Variants in CLN3 observed in about 807,000 individuals in gnomAD.
CLN3 encodes the protein CLN3 lysosomal/endosomal transmembrane protein, battenin.
CLN3 carries 49 observed loss-of-function variants against 60.7 expected under a neutral mutation model. The ratio of observed to expected loss-of-function variants is 0.81; its 90% CI spans 0.64 to 1.02. The LOEUF is 1.02. CLN3 is among the 50% of genes least tolerant of loss of function. The probability of loss-of-function intolerance (pLI) is 0.00; values close to 1 mark genes in which losing one functional copy is unlikely to be tolerated. For synonymous variants in CLN3, 256 were observed against 245.8 expected (o/e 1.04, Z -0.39); for missense variants, 516 against 557.4 (o/e 0.93, Z 0.75).
the CLN3 span, among the ~76,000 whole-genome samples, chr16:28,467,495 A>ATC: frequency 4.1e-5 from 6 of 145,540 alleles, no homozygotes; most frequent in South Asian, 1.1e-3. Context: ...CTGGCAGGCG[A>ATC]TCTGCCTGCC....
At position 28,489,318 on chromosome 16, in the gene CLN3, T is replaced by C. The variant is rs574261896; in HGVS notation, c.194A>G (p.His65Arg). 1 of 1,613,546 alleles carries C rather than the reference T, an allele frequency of 6.2e-7. No homozygotes were observed. The highest frequency in any genetic ancestry group is 8.5e-7 in the Non-Finnish European group (1 of 1,179,798). Residue 65 changes from histidine (H) to arginine (R), a missense_variant, in exon 4 of 16, where the codon CAC (histidine) becomes CGC (arginine). His to Arg is a conservative substitution (Grantham distance 29). Transcript: ENST00000636147. ...GCTCTGGTTTCCCGATGTCCTCTTG[T>C]GGCTAAGGATGTCGTGGGCGGCACT... ...MLSAAHDILS[H>R]KRTSGNQSHV...
chr16:28,480,697 A>ACGCCC, intron 14 of CLN3, among the ~76,000 whole-genome samples: 2 of 152,148 alleles, frequency 1.3e-5, no homozygotes, highest in Non-Finnish European at 1.5e-5. Flanking sequence ...GTGAGCCACC[A>ACGCCC]GGACTGGCCA....
Position 28,482,204 on chromosome 16 carries a change from G to T in CLN3, c.963-6C>A. Reference sequence around the variant, plus strand: ...CCTGGTACAGCATCTGGTACCTGAGGTTAGGGTTGGGGGGAGGAGAGGAGG... The same window carrying T: ...CCTGGTACAGCATCTGGTACCTGAGTTTAGGGTTGGGGGGAGGAGAGGAGG... On this transcript the variant is annotated splice_polypyrimidine_tract_variant and splice_region_variant and intron_variant, in intron 13 of 15. Transcript: ENST00000636147. 6.2e-7 allele frequency: 1 copy of T among 1,611,824 alleles called. No individual in the cohort carries two copies. The highest frequency in any genetic ancestry group is 1.7e-5 in the Admixed American group (1 of 59,392).
chr16:28,477,739 C>A lies in CLN3; in HGVS notation c.1195G>T (p.Glu399Ter), dbSNP rs386833701. The change falls in exon 15 of 16, where the codon GAG becomes TAG. Residue 399 changes from glutamate (E) to a stop codon, truncating the protein, a stop_gained and splice_region_variant. Transcript: ENST00000636147. LOFTEE classifies it high-confidence loss of function. ...GCCCTTGCCCGGCCAATGCTGACCT[C>A]CAGGGCGATGTTGTGGAAGGTGTTC... Reference protein sequence around the residue: ...YVNTFHNIALETSDEHREFAM... With the variant: ...YVNTFHNIAL 1.9e-6 allele frequency: 3 copies of A among 1,614,150 alleles called. No individual in the cohort carries two copies. Among genetic ancestry groups the A allele is most frequent in the Non-Finnish European group, 2.5e-6 (3 of 1,180,038 alleles).
At chr16:28,481,417 AACACACACACACACACACACAC>A (rs767753225) in intron 14 of CLN3, among the ~76,000 whole-genome samples, 2 of 129,578 alleles carry the variant, frequency 1.5e-5, no homozygotes, top group South Asian at 2.6e-4. Flanking sequence ...CAATGCTTAA[AACACACACACACACACACACAC>A]ACACACACAC....
chr16:28,479,670 G>A (rs1392044823), intron 14 of CLN3: 5 of 173,716 alleles, frequency 2.9e-5, no homozygotes, highest in South Asian at 8.9e-5. Flanking sequence ...TCGGAAGGCT[G>A]AGGCTTGAGA....
In CLN3 at chr16:28,486,040, C is replaced by T. The variant is rs186233841; in HGVS notation, c.677+307G>A. Among the ~76,000 whole-genome samples, 124 of 151,416 alleles carry T rather than the reference C, an allele frequency of 8.2e-4. 1 individual carries two copies. The highest frequency in any genetic ancestry group is 2.8e-3 in the African/African-American group (117 of 41,352). On this transcript the variant is annotated intron_variant, in intron 9 of 15. Coordinates refer to ENST00000636147, the MANE Select transcript of CLN3 (RefSeq NM_001042432.2). Reference sequence around the variant, plus strand: ...TGAGACAGAGTCTAACTCTGTCGCCCGGGCTGGAGTGCAATGGCACGATCT... The same window carrying T: ...TGAGACAGAGTCTAACTCTGTCGCCTGGGCTGGAGTGCAATGGCACGATCT...
At chr16:28,482,893 C>T (rs2046126636) in intron 10 of CLN3, among the ~76,000 whole-genome samples, 1 of 152,002 alleles carries the variant, frequency 6.6e-6, no homozygotes, top group Non-Finnish European at 1.5e-5. Context: ...CACCTGAGGT[C>T]AGGAGTTCAA....
downstream of CLN3, among the ~76,000 whole-genome samples, chr16:28,473,466 C>T (rs1385457919): frequency 1.3e-5 from 2 of 151,790 alleles, no homozygotes; most frequent in Admixed American, 1.3e-4. Context: ...TGGTCTCAAG[C>T]AAACCTCCCG....
chr16:28,470,094 G>A (rs1294026328), downstream of CLN3, among the ~76,000 whole-genome samples: 2 of 140,576 alleles, frequency 1.4e-5, no homozygotes, highest in East Asian at 2.1e-4. Flanking sequence ...TCACTGCAAC[G>A]TCCAGCTCCT....
chr16:28,487,529 G>A lies in CLN3; in HGVS notation c.387C>T (p.Leu129=), dbSNP rs765776873. The A allele has an allele frequency of 1.7e-5, 27 of 1,613,814 alleles. No homozygotes were observed. In the South Asian group the frequency reaches 2.1e-4, roughly 12 times the overall value. ...TTCCAGCAGCACAAATCCCACTGAC[G>A]AGAACCCGGGGGCTGAGGGGGTGAG... ...LHLLPYSPRV[L]VSGICAAGSF... The change falls in exon 7 of 16, where the codon CTC becomes CTT. Residue 129 remains leucine, a synonymous_variant. Coordinates refer to ENST00000636147, the MANE Select transcript of CLN3 (RefSeq NM_001042432.2).
At chr16:28,488,472 G>A (rs2046258960) in intron 5 of CLN3, 119 bp downstream of exon 5, 1 of 885,020 alleles carries the variant, frequency 1.1e-6, no homozygotes, top group African/African-American at 1.7e-5. Context: ...AGTGCGCCCA[G>A]CCCAGGTCTC....
chr16:28,480,948 T>C (rs2520418), intron 14 of CLN3, among the ~76,000 whole-genome samples: 1 of 152,194 alleles, frequency 6.6e-6, no homozygotes, highest in African/African-American at 2.4e-5. Context: ...GACTTCAAAG[T>C]CACCAATTCT....
Position 28,486,369 on chromosome 16 carries a change from T to C in CLN3, c.655A>G (p.Ile219Val). 1 of 1,612,520 alleles carries C rather than the reference T, an allele frequency of 6.2e-7. No individual in the cohort carries two copies. ...CACCTGGCCAGCAGCAGGGCAGGGA[T>C]ACCCAGCATGGACAGCAGGGTCTGC... ...PQQTLLSMLG[I>V]PALLLASYFL... Residue 219 changes from isoleucine to valine, a missense_variant, in exon 9 of 16, where the codon ATC becomes GTC. Ile to Val is a conservative substitution (Grantham distance 29). Transcript: ENST00000636147.
At chr16:28,485,716 CAAAT>C (rs2046201881) in intron 9 of CLN3, among the ~76,000 whole-genome samples, 1 of 118,376 alleles carries the variant, frequency 8.4e-6, no homozygotes, top group Non-Finnish European at 1.7e-5. Context: ...AGGAACTAAT[CAAAT>C]AAAGTCCACC....
chr16:28,482,480 T>C lies in CLN3; in HGVS notation c.903A>G (p.Gly301=), dbSNP rs761976112. 2 of 1,613,916 alleles carry C rather than the reference T, an allele frequency of 1.2e-6. No homozygotes were observed. The highest frequency in any genetic ancestry group is 1.7e-6 in the Non-Finnish European group (2 of 1,179,992). ...CCTCCTAGCACCCCTCACTTACAAGTCCCTGGTTAATGAAATACTCGGCAA... is the reference window on the plus strand; with the variant it reads ...CCTCCTAGCACCCCTCACTTACAAGCCCCTGGTTAATGAAATACTCGGCAA... ...VYFAEYFINQ[G]LFELLFFWNT... is the part of the protein sequence containing the mutation. The change falls in exon 12 of 16, where the codon GGA becomes GGG. Residue 301 remains glycine (G), a synonymous_variant. Coordinates refer to ENST00000636147, the MANE Select transcript of CLN3 (RefSeq NM_001042432.2).
chr16:28,486,865 G>C, intron 7 of CLN3: 1 of 630,214 alleles, frequency 1.6e-6, no homozygotes, highest in South Asian at 1.8e-5. Context: ...ATCAGACCAG[G>C]GGCAGACATG....
At position 28,477,779 on chromosome 16, in the gene CLN3, TC is replaced by T. The variant is rs1312321626; in HGVS notation, c.1154del (p.Gly385GlufsTer6). On this transcript the variant is annotated frameshift_variant, in exon 15 of 16. Coordinates refer to ENST00000636147, the MANE Select transcript of CLN3 (RefSeq NM_001042432.2). LOFTEE classifies it high-confidence loss of function. ...GGAAGGTGTTCACGTAGGCTGCGCCTCCCAGGAGCCCCTCATACAGAATGAT... is the reference window on the plus strand; with the variant it reads ...GGAAGGTGTTCACGTAGGCTGCGCCTCCAGGAGCCCCTCATACAGAATGAT... ...FLIILYEGLLGGAAYVNTFHN... is the reference protein window; with the variant it reads ...FLIILYEGLLXGAAYVNTFHN... 1.2e-6 allele frequency: 2 copies of T among 1,613,864 alleles called. No homozygotes were observed. The highest frequency in any genetic ancestry group is 2.7e-5 in the African/African-American group (2 of 74,858).
downstream of CLN3, among the ~76,000 whole-genome samples, chr16:28,469,181 CAA>C (rs1055337378): frequency 1.7e-5 from 2 of 119,640 alleles, no homozygotes; most frequent in Non-Finnish European, 4.0e-5. Context: ...AAAGCAGACA[CAA>C]AAGAGTACCT....
Sources: allele counts gnomAD v4.1 joint callset (sites outside exome capture counted in the v4.1 genomes callset), GRCh38; gene constraint gnomAD v4.1.1; transcripts MANE v1.5; gene names NCBI Gene and HGNC (gene_info 2026-07-23, HGNC 2026-07-21).